CCDC91: variants seen among roughly 807,000 people sequenced by gnomAD.
The protein encoded by CCDC91 is coiled-coil domain-containing protein 91.
CCDC91 carries 48 observed loss-of-function variants against 63.2 expected under a neutral mutation model. That is an observed-to-expected ratio of 0.76 (90% CI 0.60 to 0.97). CCDC91 has a LOEUF of 0.97. CCDC91 is among the 50% of genes least tolerant of loss of function. The probability of loss-of-function intolerance (pLI) is 0.00; values close to 1 mark genes in which losing one functional copy is unlikely to be tolerated. For missense variants in CCDC91, 500 were observed against 494.6 expected, an observed-to-expected ratio of 1.01 and a Z score of -0.10; for synonymous variants, 167 against 165.8, an observed-to-expected ratio of 1.01 and a Z score of -0.06.
chr12:28,274,939 A>G (rs1279417579), intron 3 of CCDC91, among the ~76,000 whole-genome samples: 5 of 152,232 alleles, frequency 3.3e-5, no homozygotes, highest in Non-Finnish European at 5.9e-5. Context: ...AAGACACAAC[A>G]TACCAGAATC....
intron 11 of CCDC91, among the ~76,000 whole-genome samples, chr12:28,456,529 G>A (rs140035598): frequency 6.6e-6 from 1 of 152,202 alleles, no homozygotes; most frequent in African/African-American, 2.4e-5. Flanking sequence ...TGAGGGCGAT[G>A]ATAATGTTTT....
intron 8 of CCDC91, among the ~76,000 whole-genome samples, chr12:28,396,146 A>G (rs182712227): frequency 8.5e-5 from 13 of 152,348 alleles, no homozygotes; most frequent in African/African-American, 2.9e-4. Context: ...ACTAATGATG[A>G]GTTCTCTCAA....
intron 1 of CCDC91, among the ~76,000 whole-genome samples, chr12:28,203,607 A>G (rs906676718): frequency 2.0e-5 from 3 of 152,188 alleles, no homozygotes; most frequent in Non-Finnish European, 4.4e-5. Context: ...TGAAAATTAC[A>G]ATCTGTTCCT....
intron 8 of CCDC91, among the ~76,000 whole-genome samples, chr12:28,446,805 A>C (rs536824716): frequency 3.3e-4 from 50 of 152,322 alleles, no homozygotes; most frequent in Non-Finnish European, 6.6e-4. Flanking sequence ...AGAGAAAAGA[A>C]CCAAGTAACT....
chr12:28,276,499 C>A (rs976971175), intron 3 of CCDC91, among the ~76,000 whole-genome samples: 1 of 151,834 alleles, frequency 6.6e-6, no homozygotes, highest in Admixed American at 6.6e-5. Flanking sequence ...GAAAATGTTT[C>A]ACATTTTCCT....
intron 7 of CCDC91, among the ~76,000 whole-genome samples, chr12:28,377,430 A>C (rs1945018505): frequency 6.6e-6 from 1 of 151,882 alleles, no homozygotes; most frequent in Non-Finnish European, 1.5e-5. Context: ...AGCCTGAAAA[A>C]GGCAAAAAAG....
intron 1 of CCDC91, among the ~76,000 whole-genome samples, chr12:28,210,478 A>G (rs1343258818): frequency 2.0e-5 from 3 of 152,112 alleles, no homozygotes; most frequent in Non-Finnish European, 4.4e-5. Flanking sequence ...GTAAGTTTCT[A>G]TTTACCAGTT....
chr12:28,426,828 T>C (rs1391915138), intron 8 of CCDC91, among the ~76,000 whole-genome samples: 1 of 152,218 alleles, frequency 6.6e-6, no homozygotes, highest in Non-Finnish European at 1.5e-5. Flanking sequence ...TCTTTGCTCC[T>C]TCAGACATTT....
intron 8 of CCDC91, among the ~76,000 whole-genome samples, chr12:28,422,856 A>G (rs550179931): frequency 6.6e-6 from 1 of 152,256 alleles, no homozygotes; most frequent in South Asian, 2.1e-4. Context: ...CGTCCTACTC[A>G]TTGGTTGGGA....
chr12:28,310,288 A>G (rs1318171306), intron 6 of CCDC91, among the ~76,000 whole-genome samples: 2 of 152,062 alleles, frequency 1.3e-5, no homozygotes, highest in South Asian at 4.1e-4. Context: ...GGGAACAGTA[A>G]CATATCAGAG....
chr12:28,199,480 A>C (rs1942042348), intron 1 of CCDC91, among the ~76,000 whole-genome samples: 1 of 152,156 alleles, frequency 6.6e-6, no homozygotes. Flanking sequence ...AAAGAGCCAC[A>C]ACCAAACATA....
intron 3 of CCDC91, among the ~76,000 whole-genome samples, chr12:28,269,887 C>A (rs1306909136): frequency 3.9e-5 from 6 of 152,082 alleles, no homozygotes; most frequent in Middle Eastern, 3.4e-3. Flanking sequence ...TTGGGTATTG[C>A]TGTTGTGCCT....
At chr12:28,317,190 C>A (rs1391500293) in intron 6 of CCDC91, among the ~76,000 whole-genome samples, 1 of 151,962 alleles carries the variant, frequency 6.6e-6, no homozygotes, top group Non-Finnish European at 1.5e-5. Context: ...TTGGCATTCA[C>A]AAGGGATATA....
At chr12:28,460,558 G>A (rs1267963821) in intron 11 of CCDC91, among the ~76,000 whole-genome samples, 2 of 151,800 alleles carry the variant, frequency 1.3e-5, no homozygotes, top group African/African-American at 4.8e-5. Context: ...CCTTAGAAAC[G>A]AGACAAAAAA....
chr12:28,216,178 T>G (rs1320952502), intron 1 of CCDC91, among the ~76,000 whole-genome samples: 1 of 152,108 alleles, frequency 6.6e-6, no homozygotes, highest in Non-Finnish European at 1.5e-5. Context: ...TTACCATACA[T>G]TCTTTCCATT....
intron 8 of CCDC91, among the ~76,000 whole-genome samples, chr12:28,436,855 T>C (rs1158249655): frequency 1.3e-5 from 2 of 151,976 alleles, no homozygotes; most frequent in Middle Eastern, 3.2e-3. Context: ...AATTCATGTG[T>C]ACTCTCCTCC....
intron 6 of CCDC91, among the ~76,000 whole-genome samples, chr12:28,342,086 C>T (rs981772906): frequency 2.6e-5 from 4 of 152,100 alleles, no homozygotes; most frequent in African/African-American, 7.2e-5. Flanking sequence ...TTAAAAATAT[C>T]GAACCTTTTC....
In CCDC91 at chr12:28,259,457, G is replaced by A. The variant is rs1192065612; in HGVS notation, c.109+15G>A. 3 of 1,398,620 alleles carry A rather than the reference G, an allele frequency of 2.1e-6. No individual in the cohort carries two copies. The highest frequency in any genetic ancestry group is 4.0e-5 in the Admixed American group (2 of 50,532). 86.6% of individuals were successfully genotyped at this position (1,398,620 alleles called of 1,614,324 possible). On this transcript the variant is annotated intron_variant, in intron 3 of 12. Coordinates refer to ENST00000536442, the MANE Select transcript of CCDC91 (RefSeq NM_018318.5). Reference sequence around the variant, plus strand: ...CTTTCCTGCAGGTATTGGTATCCAGGAATTAGGGTTTTTTTTTTTTTTTTT... The same window carrying A: ...CTTTCCTGCAGGTATTGGTATCCAGAAATTAGGGTTTTTTTTTTTTTTTTT...
intron 11 of CCDC91, among the ~76,000 whole-genome samples, chr12:28,466,399 C>T (rs1347414975): frequency 1.3e-5 from 2 of 152,090 alleles, no homozygotes; most frequent in East Asian, 3.9e-4. Flanking sequence ...AAGAAGACTA[C>T]ACCTCAAGGC....
Sources: allele counts gnomAD v4.1 joint callset (sites outside exome capture counted in the v4.1 genomes callset), GRCh38; gene constraint gnomAD v4.1.1; transcripts MANE v1.5; gene names NCBI Gene and HGNC (gene_info 2026-07-23, HGNC 2026-07-21).